The following REEP1 variants were observed in gnomAD, a reference collection of about 807,000 sequenced individuals.
The protein encoded by REEP1 is receptor expression-enhancing protein 1.
REEP1 carries 22 observed loss-of-function variants against 40.3 expected under a neutral mutation model. The observed-to-expected ratio is 0.55, with a 90% confidence interval of 0.39 to 0.78. The LOEUF (loss-of-function observed/expected upper bound fraction) is 0.78. REEP1 is among the 30% of genes least tolerant of loss of function. The pLI is 0.00. For missense variants in REEP1, 280 were observed against 361.1 expected (o/e 0.78, Z 1.82); for synonymous variants, 116 against 139.2 (o/e 0.83, Z 1.17).
chr2:86,288,917 T>A (rs916269207), intron 1 of REEP1, among the ~76,000 whole-genome samples: 1 of 152,230 alleles, frequency 6.6e-6, no homozygotes, highest in African/African-American at 2.4e-5. Flanking sequence ...TTAACTACCC[T>A]GTTTATATCC....
chr2:86,217,889 A>G (rs544817644), intron 8 of REEP1, among the ~76,000 whole-genome samples: 1 of 151,854 alleles, frequency 6.6e-6, no homozygotes, highest in Non-Finnish European at 1.5e-5. Flanking sequence ...CCCTCCTTCC[A>G]TGGGATACAC....
chr2:86,219,901 G>C, intron 8 of REEP1, 69 bp downstream of exon 8: 1 of 1,190,836 alleles, frequency 8.4e-7, no homozygotes, highest in Non-Finnish European at 1.1e-6. Context: ...CTGCTCCCAG[G>C]ACCCCCAATC....
At chr2:86,276,585 C>T (rs766618647) in intron 2 of REEP1, among the ~76,000 whole-genome samples, 7 of 152,158 alleles carry the variant, frequency 4.6e-5, no homozygotes, top group Non-Finnish European at 1.0e-4. Context: ...TGGAGGGTTC[C>T]GAAAGCAACC....
chr2:86,219,199 A>G (rs1402231792), intron 8 of REEP1, among the ~76,000 whole-genome samples: 1 of 152,170 alleles, frequency 6.6e-6, no homozygotes, highest in African/African-American at 2.4e-5. Context: ...CTTCACTAAC[A>G]TTTCATGAAT....
At chr2:86,274,357 A>G (rs547136397) in intron 2 of REEP1, among the ~76,000 whole-genome samples, 18 of 152,338 alleles carry the variant, frequency 1.2e-4, no homozygotes, top group African/African-American at 4.1e-4. Context: ...GGTTGAGGCT[A>G]TGGACAGAGA....
intron 1 of REEP1, among the ~76,000 whole-genome samples, chr2:86,302,933 T>G (rs1679316601): frequency 6.6e-6 from 1 of 152,186 alleles, no homozygotes; most frequent in Non-Finnish European, 1.5e-5. Context: ...CAAAGATGAG[T>G]GGGACAGTCC....
At position 86,235,239 on chromosome 2, in the gene REEP1, A is replaced by G. The variant is rs1033648068; in HGVS notation, c.418-2437T>C. Among the ~76,000 whole-genome samples, 9 of 152,222 alleles carry G rather than the reference A, an allele frequency of 5.9e-5. 1 individual carries two copies. The highest frequency in any genetic ancestry group is 4.1e-4 in the South Asian group (2 of 4,834). On this transcript the variant is annotated intron_variant, in intron 5 of 8. Transcript: ENST00000538924. ...AGAAGTATCCTAGCAGAAGCTACAG[A>G]AAGTGAAGATTGAGAACAGCAGTTC...
chr2:86,251,880 T>C (rs761051982), intron 5 of REEP1, 77 bp downstream of exon 5: 5 of 977,984 alleles, frequency 5.1e-6, no homozygotes, highest in Non-Finnish European at 8.3e-6. Flanking sequence ...GCCTGTTCTG[T>C]GTGGTCGCAC....
chr2:86,308,191 C>G (rs12478575), intron 1 of REEP1, among the ~76,000 whole-genome samples: 51,964 of 152,086 alleles, frequency 0.34, 9,832 homozygotes, highest in Middle Eastern at 0.45. Context: ...CTAAGAATCT[C>G]TTAGATGCAA....
At chr2:86,325,367 G>T (rs763398050) in intron 1 of REEP1, among the ~76,000 whole-genome samples, 1 of 152,234 alleles carries the variant, frequency 6.6e-6, no homozygotes, top group Non-Finnish European at 1.5e-5. Flanking sequence ...AGTAAGGCCT[G>T]TGATCTTGGG....
intron 3 of REEP1, among the ~76,000 whole-genome samples, chr2:86,262,122 G>A (rs61708076): frequency 0.038 from 5,860 of 152,256 alleles, 390 homozygotes; most frequent in African/African-American, 0.13. Flanking sequence ...AGAAGCTGGC[G>A]GGATCCTCCA....
intron 2 of REEP1, among the ~76,000 whole-genome samples, chr2:86,272,050 C>T (rs1345769619): frequency 2.0e-5 from 3 of 152,132 alleles, no homozygotes; most frequent in Admixed American, 2.0e-4. Context: ...TGGTGAAACC[C>T]CGTCTCTGCT....
intron 2 of REEP1, among the ~76,000 whole-genome samples, chr2:86,266,626 AAAAAAT>A (rs1303689080): frequency 1.1e-4 from 16 of 151,762 alleles, no homozygotes; most frequent in Non-Finnish European, 1.9e-4. Flanking sequence ...ACTCCATCTC[AAAAAAT>A]AAAAATAAAA....
chr2:86,273,613 G>A (rs994789751), intron 2 of REEP1, among the ~76,000 whole-genome samples: 1 of 151,964 alleles, frequency 6.6e-6, no homozygotes, highest in Non-Finnish European at 1.5e-5. Flanking sequence ...TTCATCAAAA[G>A]CTCATCCACA....
At chr2:86,244,749 C>A (rs552866600) in intron 5 of REEP1, among the ~76,000 whole-genome samples, 1 of 152,274 alleles carries the variant, frequency 6.6e-6, no homozygotes, top group East Asian at 1.9e-4. Flanking sequence ...CAAAGGAGAA[C>A]CCTGGAGGGT....
At chr2:86,287,053 T>C (rs1355288249) in intron 1 of REEP1, among the ~76,000 whole-genome samples, 1 of 152,202 alleles carries the variant, frequency 6.6e-6, no homozygotes, top group Non-Finnish European at 1.5e-5. Context: ...GCACTTGCTT[T>C]ATAATGACAA....
chr2:86,322,370 C>T (rs1680305903), intron 1 of REEP1, among the ~76,000 whole-genome samples: 1 of 152,030 alleles, frequency 6.6e-6, no homozygotes, highest in African/African-American at 2.4e-5. Context: ...AGAGATAGAA[C>T]CTATCTCTAA....
At chr2:86,327,368 A>G (rs1680555726) in intron 1 of REEP1, among the ~76,000 whole-genome samples, 1 of 152,016 alleles carries the variant, frequency 6.6e-6, no homozygotes, top group Non-Finnish European at 1.5e-5. Flanking sequence ...AGGGTGCTGG[A>G]TGGGACAAGC....
At position 86,216,153 on chromosome 2, in the gene REEP1, T is replaced by C. The variant is rs1041846831; in HGVS notation, c.*886A>G. On this transcript the variant is annotated 3_prime_UTR_variant, in exon 9 of 9. Coordinates refer to ENST00000538924, the MANE Select transcript of REEP1 (RefSeq NM_001371279.1). ...AAATCGTCCTTTGTCAAGCACAGAA[T>C]TACTCCTTCCAGCAGCTCTACATGT... 4 of 152,196 alleles carry C rather than the reference T, an allele frequency of 2.6e-5. No homozygotes were observed. The highest frequency in any genetic ancestry group is 1.3e-4 in the Admixed American group (2 of 15,282). 9.4% of individuals were successfully genotyped at this position (152,196 alleles called of 1,614,324 possible).
Sources: allele counts gnomAD v4.1 joint callset (sites outside exome capture counted in the v4.1 genomes callset), GRCh38; gene constraint gnomAD v4.1.1; transcripts MANE v1.5; gene names NCBI Gene and HGNC (gene_info 2026-07-23, HGNC 2026-07-21).